Variants in PRKDC observed in about 807,000 individuals in gnomAD.
PRKDC encodes the protein protein kinase, DNA-activated, catalytic subunit, also known as DNA-dependent protein kinase catalytic subunit.
In PRKDC, 82 loss-of-function variants were observed where a neutral mutation model predicts 486.9. That is an observed-to-expected ratio of 0.17 (90% CI 0.14 to 0.20). The LOEUF (loss-of-function observed/expected upper bound fraction) is 0.20. Among genes scored for constraint, PRKDC ranks in the 10% least tolerant of loss-of-function variants. The pLI, the probability that PRKDC is intolerant of heterozygous loss-of-function variation, is 1.00. For missense variants in PRKDC, 4,504 were observed against 5,038.2 expected (o/e 0.89, Z 3.21); for synonymous variants, 1,895 against 1,837.0 (o/e 1.03, Z -0.81).
At chr8:47,920,757 C>G (rs935560123) in intron 21 of PRKDC, among the ~76,000 whole-genome samples, 2 of 152,132 alleles carry the variant, frequency 1.3e-5, no homozygotes, top group African/African-American at 2.4e-5. Context: ...TATAGTTATT[C>G]CGGCTAATAA....
chr8:47,889,252 C>G, intron 32 of PRKDC, 30 bp from the exon 33 acceptor site: 2 of 1,540,698 alleles, frequency 1.3e-6, no homozygotes, highest in South Asian at 1.3e-5. Context: ...AAAAACACTT[C>G]GTCAGCCAGC....
intron 25 of PRKDC, among the ~76,000 whole-genome samples, chr8:47,911,530 T>C (rs1206354091): frequency 6.6e-6 from 1 of 152,244 alleles, no homozygotes; most frequent in African/African-American, 2.4e-5. Context: ...ACAGTGCATC[T>C]GAACATACTG....
chr8:47,792,923 T>G (rs1010154142), intron 74 of PRKDC, among the ~76,000 whole-genome samples: 12 of 152,250 alleles, frequency 7.9e-5, no homozygotes, highest in African/African-American at 2.9e-4. Context: ...CAGGTTGGAC[T>G]GCAGTGGCAA....
intron 16 of PRKDC, 78 bp from the exon 17 acceptor site, chr8:47,930,865 T>C: frequency 1.5e-6 from 2 of 1,378,216 alleles, no homozygotes; most frequent in Non-Finnish European, 2.0e-6. Flanking sequence ...CCAACTGACT[T>C]CATGGTCAAG....
intron 69 of PRKDC, among the ~76,000 whole-genome samples, chr8:47,806,595 A>G (rs929704055): frequency 1.3e-5 from 2 of 152,256 alleles, no homozygotes; most frequent in African/African-American, 4.8e-5. Context: ...ATGTTTAAAG[A>G]TTATATACAT....
At chr8:47,946,403 T>C (rs778954853) in intron 7 of PRKDC, among the ~76,000 whole-genome samples, 1 of 152,162 alleles carries the variant, frequency 6.6e-6, no homozygotes, top group South Asian at 2.1e-4. Context: ...TTGTCTAGCA[T>C]GTTTTCTACA....
At chr8:47,933,300 TGCA>T in intron 15 of PRKDC, 128 bp from the exon 16 acceptor site, 1 of 728,500 alleles carries the variant, frequency 1.4e-6, no homozygotes, top group Admixed American at 4.1e-5. Context: ...GATGATAAAC[TGCA>T]GCAGATTTAC....
intron 14 of PRKDC, among the ~76,000 whole-genome samples, chr8:47,934,474 G>T (rs1296558055): frequency 6.6e-6 from 1 of 152,208 alleles, no homozygotes; most frequent in Admixed American, 6.5e-5. Context: ...GGGGAAGGTT[G>T]CAGTGAGCCA....
chr8:47,831,720 T>G, intron 60 of PRKDC, 94 bp downstream of exon 60: 1 of 1,341,792 alleles, frequency 7.5e-7, no homozygotes, highest in Non-Finnish European at 1.1e-6. Context: ...CAGGTGACAT[T>G]GGAGGCAGTG....
At chr8:47,890,879 G>GT (rs1333672918) in intron 31 of PRKDC, among the ~76,000 whole-genome samples, 2 of 152,164 alleles carry the variant, frequency 1.3e-5, no homozygotes, top group African/African-American at 4.8e-5. Context: ...AGATGTGGTT[G>GT]TAAGAATCTT....
chr8:47,930,777 T>A lies in PRKDC; in HGVS notation c.1787A>T (p.Glu596Val). The change falls in exon 17 of 86, where the codon GAG (glutamate) becomes GTG (valine). Residue 596 changes from glutamate (E) to valine (V), a missense_variant. Coordinates refer to ENST00000314191, the MANE Select transcript of PRKDC (RefSeq NM_006904.7). The part of the protein sequence containing the change: ...QTVGEQENGD[E>V]APGVWMIPTS... ...TGGGATCATCCAAACACCAGGCGCC[T>A]CATCTCCATTCTTAAAGAGTAATTG... is the stretch of plus-strand genomic sequence containing the variant. 6.4e-7 allele frequency: 1 copy of A among 1,574,372 alleles called. No homozygotes were observed. The highest frequency in any genetic ancestry group is 1.2e-5 in the South Asian group (1 of 84,064).
At chr8:47,917,982 C>T (rs537458346) in intron 22 of PRKDC, among the ~76,000 whole-genome samples, 1 of 152,190 alleles carries the variant, frequency 6.6e-6, no homozygotes, top group Admixed American at 6.5e-5. Context: ...GTAGCTGGGG[C>T]CACAGGCATG....
chr8:47,789,432 T>C (rs1375692727), intron 74 of PRKDC, among the ~76,000 whole-genome samples, 194 bp from the exon 75 acceptor site: 1 of 151,764 alleles, frequency 6.6e-6, no homozygotes, highest in African/African-American at 2.4e-5. Context: ...CCACCCAATG[T>C]TAAATGAAGC....
intron 40 of PRKDC, among the ~76,000 whole-genome samples, chr8:47,865,819 T>C (rs530522303): frequency 9.2e-5 from 14 of 152,126 alleles, no homozygotes; most frequent in African/African-American, 3.4e-4. Flanking sequence ...TGTGATTGTA[T>C]TAGGAGGTAA....
chr8:47,831,805 G>A lies in PRKDC; in HGVS notation c.8265+9C>T, dbSNP rs766966682. On this transcript the variant is annotated intron_variant, in intron 60 of 85. Transcript: ENST00000314191. ...ATCGTTCTGATCAAATTCTTGACAA[G>A]ATACAAACCTTCTCTCGTTTTTGCT... The A allele has an allele frequency of 1.9e-6, 3 of 1,612,376 alleles. No individual in the cohort carries two copies. The South Asian group carries it at 3.3e-5, about 18-fold the overall frequency.
At chr8:47,864,533 T>A (rs1306408266) in intron 41 of PRKDC, 23 bp downstream of exon 41, 11 of 1,584,096 alleles carry the variant, frequency 6.9e-6, no homozygotes, top group Non-Finnish European at 8.6e-6. Context: ...CACTTCTTAT[T>A]ACTGATTTAA....
chr8:47,779,028 ACAT>A lies in PRKDC; in HGVS notation c.11552_11554del (p.Asp3851del). ...CTTATACATTAGCATGTAAGCTCCA[ACAT>A]CATGTTTTCCTGACATTTTTGTCAG... On this transcript the variant is annotated inframe_deletion, in exon 81 of 86. Coordinates refer to ENST00000314191, the MANE Select transcript of PRKDC (RefSeq NM_006904.7). 6.2e-7 allele frequency: 1 copy of A among 1,601,026 alleles called. No individual in the cohort carries two copies. Among genetic ancestry groups the A allele is most frequent in the Non-Finnish European group, 8.5e-7 (1 of 1,173,276 alleles).
rs377657137 is a variant in PRKDC, at chr8:47,907,133, C to T, written c.2935-2157G>A. 1.8e-4 allele frequency among the ~76,000 whole-genome samples: 27 copies of T among 151,222 alleles called. 1 individual carries two copies. The highest frequency in any genetic ancestry group is 5.8e-4 in the African/African-American group (24 of 41,444). ...TCTGCTCACTGCAAGCTCCGCCTCC[C>T]GGGTCCACGCCATTCTCCTGCCTCA... On this transcript the variant is annotated intron_variant, in intron 25 of 85. Transcript: ENST00000314191.
Position 47,812,998 on chromosome 8 carries a change from T to TA in PRKDC, c.9557+4451dup, listed in dbSNP as rs1317073693. Among the ~76,000 whole-genome samples, 4 of 151,606 alleles carry TA rather than the reference T, an allele frequency of 2.6e-5. No individual in the cohort carries two copies. The East Asian group carries it at 5.8e-4, about 22-fold the overall frequency. ...TTTGATGAAATGGACAAATTTACTT[T>TA]AAAAAACAAATAAAGAAGGCAGAAA... On this transcript the variant is annotated intron_variant, in intron 68 of 85. Coordinates refer to ENST00000314191, the MANE Select transcript of PRKDC (RefSeq NM_006904.7).
Sources: gnomAD v4.1 joint callset for allele counts (sites outside exome capture counted in the v4.1 genomes callset) on GRCh38, gnomAD v4.1.1 for gene constraint, MANE v1.5 for transcripts, NCBI Gene and HGNC (gene_info 2026-07-23, HGNC 2026-07-21) for gene names.